The following DLGAP1 variants were observed in gnomAD, a reference collection of about 807,000 sequenced individuals.
DLGAP1 encodes the protein disks large-associated protein 1.
In DLGAP1, 11 loss-of-function variants were observed where a neutral mutation model predicts 90.8. That is an observed-to-expected ratio of 0.12 (90% CI 0.08 to 0.20). DLGAP1 has a LOEUF of 0.20. Ranked by LOEUF, DLGAP1 falls within the 10% of genes least tolerant of loss-of-function variation. DLGAP1 has a pLI of 1.00. For missense variants in DLGAP1, 1,050 were observed against 1,333.8 expected, an observed-to-expected ratio of 0.79 and a Z score of 3.31; for synonymous variants, 558 against 540.7, an observed-to-expected ratio of 1.03 and a Z score of -0.44.
chr18:3,791,249 G>T (rs935776592), intron 5 of DLGAP1, among the ~76,000 whole-genome samples: 1 of 152,216 alleles, frequency 6.6e-6, no homozygotes, highest in Admixed American at 6.5e-5. Context: ...TAGGAACTTT[G>T]CAAGGCATGA....
intron 1 of DLGAP1, among the ~76,000 whole-genome samples, chr18:4,174,116 T>A (rs1250596512): frequency 6.6e-6 from 1 of 152,110 alleles, no homozygotes; most frequent in Non-Finnish European, 1.5e-5. Context: ...GACATTTTAT[T>A]CAGTGCTTCA....
chr18:3,984,305 C>G (rs539475457), intron 3 of DLGAP1: 1 of 152,258 alleles, frequency 6.6e-6, no homozygotes, highest in South Asian at 2.1e-4. Flanking sequence ...CTTCAGTGGT[C>G]TCCCCTGACT....
At position 4,391,577 on chromosome 18, in the gene DLGAP1, G is replaced by A. The variant is rs561384995; in HGVS notation, c.-267+63429C>T. ...TGGTGAAGATCCCCTTAGCTTGAAG[G>A]AAATTGAAGAAGCGACTACATAGCC... On this transcript the variant is annotated intron_variant, in intron 1 of 12. Transcript: ENST00000315677. 1.1e-4 allele frequency among the ~76,000 whole-genome samples: 16 copies of A among 152,134 alleles called. No homozygotes were observed. The East Asian group carries it at 2.7e-3, about 26-fold the overall frequency.
At chr18:3,608,356 T>G (rs887650322) in intron 7 of DLGAP1, 3 of 151,982 alleles carry the variant, frequency 2.0e-5, no homozygotes, top group African/African-American at 7.3e-5. Flanking sequence ...ACACTGGGGA[T>G]GACGGGTGGA....
At chr18:3,793,943 T>C (rs528840987) in intron 5 of DLGAP1, among the ~76,000 whole-genome samples, 4 of 152,322 alleles carry the variant, frequency 2.6e-5, no homozygotes, top group African/African-American at 9.6e-5. Flanking sequence ...GTTTTTGTCT[T>C]CCCTACTAGG....
At chr18:4,067,102 A>G (rs540060660) in intron 2 of DLGAP1, among the ~76,000 whole-genome samples, 9 of 152,126 alleles carry the variant, frequency 5.9e-5, no homozygotes, top group Non-Finnish European at 1.2e-4. Flanking sequence ...ACATGCTCTC[A>G]CTTATAAGTG....
rs55783238 is a variant in DLGAP1, at chr18:3,833,130, ATTCCTTCCTTCCTTCCTTCCTTCC to A, written c.958-18881_958-18858del. Among the ~76,000 whole-genome samples, 54 of 107,478 alleles carry A rather than the reference ATTCCTTCCTTCCTTCCTTCCTTCC, an allele frequency of 5.0e-4. 4 individuals carry two copies. Among genetic ancestry groups the A allele is most frequent in the South Asian group, 9.8e-4 (3 of 3,074 alleles). The allele number at this position is 107,478 out of a possible 152,430, so 70.5% of individuals were successfully genotyped here. A position where few individuals can be genotyped will look rare whatever the true frequency, so the allele number is the denominator to read the frequency against. On this transcript the variant is annotated intron_variant, in intron 4 of 12. Coordinates refer to ENST00000315677, the MANE Select transcript of DLGAP1 (RefSeq NM_004746.4). Reference sequence around the variant, plus strand: ...TCTTTAATTTTCTATGAATTATAAGATTCCTTCCTTCCTTCCTTCCTTCCTTCCTTCCTTCCTTCCTTCCTTCCT... The same window carrying A: ...TCTTTAATTTTCTATGAATTATAAGATTCCTTCCTTCCTTCCTTCCTTCCT...
intron 7 of DLGAP1, among the ~76,000 whole-genome samples, chr18:3,662,375 C>T (rs547698753): frequency 2.9e-4 from 44 of 152,246 alleles, no homozygotes; most frequent in African/African-American, 1.0e-3. Flanking sequence ...AGGGTATTGT[C>T]CCACAGCACC....
chr18:3,516,948 T>C (rs1475903411), intron 10 of DLGAP1, among the ~76,000 whole-genome samples: 2 of 152,240 alleles, frequency 1.3e-5, no homozygotes, highest in Non-Finnish European at 2.9e-5. Flanking sequence ...TTCATCTCCA[T>C]GTACATCTCT....
intron 1 of DLGAP1, among the ~76,000 whole-genome samples, chr18:4,176,042 A>C (rs867489619): frequency 6.6e-6 from 1 of 152,086 alleles, no homozygotes; most frequent in Admixed American, 6.5e-5. Flanking sequence ...CATGATATTG[A>C]TTCTTCTTAT....
At chr18:4,143,368 C>CAG (rs1431981786) in intron 2 of DLGAP1, among the ~76,000 whole-genome samples, 1 of 151,512 alleles carries the variant, frequency 6.6e-6, no homozygotes, top group Non-Finnish European at 1.5e-5. Context: ...TTTCCACAAG[C>CAG]AGAAGAACCT....
intron 7 of DLGAP1, among the ~76,000 whole-genome samples, chr18:3,630,593 A>T (rs73940063): frequency 3.3e-4 from 50 of 152,250 alleles, no homozygotes; most frequent in African/African-American, 1.2e-3. Flanking sequence ...TTTTTTTCCA[A>T]ATAAATACTC....
intron 5 of DLGAP1, among the ~76,000 whole-genome samples, chr18:3,790,104 G>A (rs2065656849): frequency 6.6e-6 from 1 of 152,074 alleles, no homozygotes; most frequent in Non-Finnish European, 1.5e-5. Flanking sequence ...GTTAGAATCA[G>A]TGGAAAATTG....
chr18:4,206,849 G>A (rs942401198), intron 1 of DLGAP1, among the ~76,000 whole-genome samples: 1 of 152,092 alleles, frequency 6.6e-6, no homozygotes, highest in Non-Finnish European at 1.5e-5. Flanking sequence ...GTCACAAAAG[G>A]CATGCAATAC....
At chr18:3,817,258 T>C (rs2067152666) in intron 4 of DLGAP1, among the ~76,000 whole-genome samples, 1 of 152,146 alleles carries the variant, frequency 6.6e-6, no homozygotes, top group Non-Finnish European at 1.5e-5. Flanking sequence ...ACATGGCAAA[T>C]TTTGTTCAGA....
In DLGAP1 at chr18:3,556,897, C is replaced by CA. The variant is rs565403892; in HGVS notation, c.2057+10592_2057+10593insT. Among the ~76,000 whole-genome samples the CA allele has an allele frequency of 3.0e-4, 46 of 152,266 alleles. No individual in the cohort carries two copies. The East Asian group carries it at 6.8e-3, about 22-fold the overall frequency. On this transcript the variant is annotated intron_variant, in intron 9 of 12. Coordinates refer to ENST00000315677, the MANE Select transcript of DLGAP1 (RefSeq NM_004746.4). ...TTGGGAGGCCAAGGCATATGGATTG[C>CA]TCATGTCTGATATTATAAGAGTAAT...
At chr18:3,923,015 T>G (rs2148914463) in intron 3 of DLGAP1, among the ~76,000 whole-genome samples, 2 of 150,852 alleles carry the variant, frequency 1.3e-5, no homozygotes, top group Middle Eastern at 6.8e-3. Context: ...ACGCCTGTGG[T>G]CCCAGCTACT....
intron 7 of DLGAP1, among the ~76,000 whole-genome samples, chr18:3,587,094 C>T (rs2145479507): frequency 6.6e-6 from 1 of 152,338 alleles, no homozygotes; most frequent in East Asian, 1.9e-4. Flanking sequence ...GAGTTTCGCT[C>T]TTGTCGCCCA....
At chr18:3,760,275 A>G (rs2063905996) in intron 5 of DLGAP1, among the ~76,000 whole-genome samples, 1 of 152,180 alleles carries the variant, frequency 6.6e-6, no homozygotes, top group Non-Finnish European at 1.5e-5. Context: ...GAACTGCGGA[A>G]GGAAGACAGG....
Sources: allele counts gnomAD v4.1 joint callset (sites outside exome capture counted in the v4.1 genomes callset), GRCh38; gene constraint gnomAD v4.1.1; transcripts MANE v1.5; gene names NCBI Gene and HGNC (gene_info 2026-07-23, HGNC 2026-07-21).